Variants in IQCM observed in about 807,000 individuals in gnomAD.
IQCM encodes the protein IQ motif containing M.
In IQCM, 45 loss-of-function variants were observed where a neutral mutation model predicts 57.6. That is an observed-to-expected ratio of 0.78 (90% confidence interval 0.62 to 1.00). The LOEUF (loss-of-function observed/expected upper bound fraction) is 1.00, where lower values mean the gene tolerates loss of function less well. IQCM is among the 50% of genes least tolerant of loss of function. The pLI is 0.00. For synonymous variants in IQCM, 148 were observed against 158.9 expected (o/e 0.93, Z 0.51); for missense variants, 468 against 511.6 (o/e 0.91, Z 0.82).
intron 12 of IQCM, among the ~76,000 whole-genome samples, chr4:149,547,417 C>T (rs1748559656): frequency 6.6e-6 from 1 of 151,874 alleles, no homozygotes. Context: ...TGTGTAGTCT[C>T]ACTTATATGG....
chr4:149,547,782 C>G (rs1281411958), intron 12 of IQCM, among the ~76,000 whole-genome samples: 1 of 151,928 alleles, frequency 6.6e-6, no homozygotes, highest in Non-Finnish European at 1.5e-5. Flanking sequence ...TAATATAAAC[C>G]ATTTTAATTT....
chr4:149,578,332 A>G (rs932560238), intron 9 of IQCM, among the ~76,000 whole-genome samples: 1 of 151,786 alleles, frequency 6.6e-6, no homozygotes, highest in Non-Finnish European at 1.5e-5. Context: ...ACTCCATTTT[A>G]TTGTACCTAC....
intron 12 of IQCM, among the ~76,000 whole-genome samples, chr4:149,510,777 G>T (rs781271896): frequency 1.3e-5 from 2 of 152,068 alleles, no homozygotes; most frequent in South Asian, 2.1e-4. Flanking sequence ...TTAGACTGGG[G>T]TTATGTGTTT....
intron 8 of IQCM, among the ~76,000 whole-genome samples, chr4:149,616,222 T>A (rs1206263278): frequency 6.6e-6 from 1 of 152,058 alleles, no homozygotes; most frequent in African/African-American, 2.4e-5. Flanking sequence ...GGAGAATGGA[T>A]AAACAAAATG....
At chr4:149,675,512 G>A (rs1761675595) in intron 7 of IQCM, among the ~76,000 whole-genome samples, 1 of 152,004 alleles carries the variant, frequency 6.6e-6, no homozygotes, top group Admixed American at 6.6e-5. Flanking sequence ...TGAGGTTAAG[G>A]ATTCTGAGTT....
At chr4:149,543,478 G>A (rs924209552) in intron 12 of IQCM, among the ~76,000 whole-genome samples, 22 of 150,622 alleles carry the variant, frequency 1.5e-4, no homozygotes, top group East Asian at 4.0e-4. Context: ...TTGTTCTTGC[G>A]ATAGTTTACT....
At chr4:149,595,834 C>G (rs57064858) in intron 8 of IQCM, among the ~76,000 whole-genome samples, 2,786 of 152,192 alleles carry the variant, frequency 0.018, 56 homozygotes, top group African/African-American at 0.055. Flanking sequence ...TCTCATGGAG[C>G]CAGACCAGCC....
At chr4:149,800,189 A>C (rs1256621026) in intron 2 of IQCM, among the ~76,000 whole-genome samples, 5 of 152,036 alleles carry the variant, frequency 3.3e-5, no homozygotes, top group Admixed American at 6.6e-5. Context: ...TAGATGATTT[A>C]ACATATGGAA....
intron 9 of IQCM, among the ~76,000 whole-genome samples, chr4:149,564,388 T>C (rs1265690740): frequency 6.6e-6 from 1 of 152,150 alleles, no homozygotes; most frequent in Non-Finnish European, 1.5e-5. Flanking sequence ...ATGGGAAAGG[T>C]GATACTGCAA....
At chr4:149,665,348 C>G (rs1760620465) in intron 7 of IQCM, among the ~76,000 whole-genome samples, 1 of 152,140 alleles carries the variant, frequency 6.6e-6, no homozygotes, top group South Asian at 2.1e-4. Context: ...GTAATGAGGA[C>G]CACTGAGTGG....
At chr4:149,748,258 A>C (rs1315846186) in intron 2 of IQCM, among the ~76,000 whole-genome samples, 4 of 152,280 alleles carry the variant, frequency 2.6e-5, no homozygotes, top group Non-Finnish European at 5.9e-5. Context: ...ATGACTTCAA[A>C]GGTACCTTCT....
chr4:149,659,468 T>G (rs993808641), intron 7 of IQCM, among the ~76,000 whole-genome samples: 3 of 152,020 alleles, frequency 2.0e-5, no homozygotes, highest in African/African-American at 7.3e-5. Context: ...TTCACAGAAT[T>G]GGAAAAAACT....
At chr4:149,474,190 A>C (rs1739920453) in intron 12 of IQCM, among the ~76,000 whole-genome samples, 1 of 152,002 alleles carries the variant, frequency 6.6e-6, no homozygotes, top group African/African-American at 2.4e-5. Context: ...GAAAAGTAAT[A>C]ATAATAATGA....
chr4:149,442,941 CACACACACACACAG>C (rs902039708), intron 12 of IQCM, among the ~76,000 whole-genome samples: 3 of 52,584 alleles, frequency 5.7e-5, no homozygotes, highest in Admixed American at 2.9e-4. Flanking sequence ...CACACACACA[CACACACACACACAG>C]AGAGAGAGAG....
chr4:149,391,165 G>A (rs1282616432), intron 13 of IQCM, among the ~76,000 whole-genome samples: 1 of 151,822 alleles, frequency 6.6e-6, no homozygotes, highest in Non-Finnish European at 1.5e-5. Context: ...CTAGTAGTTT[G>A]ATCTCTCTAC....
rs529512824 is a variant in IQCM at position 149,549,270 on chromosome 4, C to A, written c.1094-681G>T. Among the ~76,000 whole-genome samples, 467 of 152,200 alleles carry A rather than the reference C, an allele frequency of 3.1e-3. 4 individuals carry two copies. Among genetic ancestry groups the A allele is most frequent in the Middle Eastern group, 0.01 (3 of 294 alleles). ...GTGGCTCACGCCTGTAATCCCAGCA[C>A]TTTGGGAGGCCGAGGCGGGCGGATC... is the stretch of plus-strand genomic sequence containing the variant. On this transcript the variant is annotated intron_variant, in intron 11 of 13. Transcript: ENST00000636793.
chr4:149,627,936 C>T (rs1278677400), intron 7 of IQCM, among the ~76,000 whole-genome samples: 1 of 152,040 alleles, frequency 6.6e-6, no homozygotes, highest in African/African-American at 2.4e-5. Flanking sequence ...AAAAAGGGCT[C>T]ATAAGTCAAG....
chr4:149,730,860 A>G (rs1406960243), intron 5 of IQCM, among the ~76,000 whole-genome samples: 1 of 152,204 alleles, frequency 6.6e-6, no homozygotes, highest in African/African-American at 2.4e-5. Context: ...GGGAAGCAGC[A>G]TATCTTTTGT....
At chr4:149,411,814 A>G (rs1733399647) in intron 13 of IQCM, among the ~76,000 whole-genome samples, 1 of 152,178 alleles carries the variant, frequency 6.6e-6, no homozygotes, top group Non-Finnish European at 1.5e-5. Context: ...ATCAATTTTT[A>G]AAAACTAGTG....
Sources: gnomAD v4.1 joint callset for allele counts (sites outside exome capture counted in the v4.1 genomes callset) on GRCh38, gnomAD v4.1.1 for gene constraint, MANE v1.5 for transcripts, NCBI Gene and HGNC (gene_info 2026-07-23, HGNC 2026-07-21) for gene names.